Variants in SYTL2 observed in about 807,000 individuals in gnomAD.
The protein encoded by SYTL2 is synaptotagmin-like protein 2.
Under a neutral mutation model 198.7 loss-of-function variants are expected in SYTL2, and 165 were observed. That is an observed-to-expected ratio of 0.83 (90% CI 0.73 to 0.94). SYTL2 has a LOEUF of 0.94. SYTL2 is among the 40% of genes least tolerant of loss of function. The probability of loss-of-function intolerance (pLI) is 0.00; values close to 1 mark genes in which losing one functional copy is unlikely to be tolerated. For synonymous variants in SYTL2, 966 were observed against 917.7 expected, an observed-to-expected ratio of 1.05 and a Z score of -0.95; for missense variants, 2,835 against 2,582.8, an observed-to-expected ratio of 1.10 and a Z score of -2.12.
intron 2 of SYTL2, among the ~76,000 whole-genome samples, chr11:85,749,913 T>C (rs1010089137): frequency 1.3e-5 from 2 of 152,102 alleles, no homozygotes; most frequent in East Asian, 1.9e-4. Context: ...GTCTGGAAAA[T>C]ACGGGGTATT....
At position 85,734,477 on chromosome 11, in the gene SYTL2, G is replaced by C. The variant is rs750384233; in HGVS notation, c.852C>G (p.Asp284Glu). 6 of 1,614,228 alleles carry C rather than the reference G, an allele frequency of 3.7e-6. No homozygotes were observed. The highest frequency in any genetic ancestry group is 4.5e-5 in the East Asian group (2 of 44,890). ...TGTGATTATAACGAAGGGTTTCTGA[G>C]TCTGTGCTACTGGAACTGGAGTTGC... ...LKRNSSSSST[D>E]SETLRYNHNF... Residue 284 changes from aspartate to glutamate, a missense_variant, in exon 7 of 20, where the codon GAC becomes GAG. Coordinates refer to ENST00000359152, the MANE Select transcript of SYTL2 (RefSeq NM_206927.4).
At position 85,724,921 on chromosome 11, in the gene SYTL2, C is replaced by A; in HGVS notation, c.4437G>T (p.Val1479=). 1 of 1,614,120 alleles carries A rather than the reference C, an allele frequency of 6.2e-7. No individual in the cohort carries two copies. Among genetic ancestry groups the A allele is most frequent in the East Asian group, 2.2e-5 (1 of 44,890 alleles). ...CAATTGTTTCCCTCACAATTTCTTC[C>A]ACTTCCTGAGGGAGGCCTTTGCCAT... is the stretch of plus-strand genomic sequence containing the variant. ...AQYGKGLPQE[V]EEIVRETIVQ... The change falls in exon 8 of 20, where the codon GTG becomes GTT. Residue 1479 remains valine, a synonymous_variant. Transcript: ENST00000359152.
chr11:85,739,507 G>C (rs1036174684), intron 4 of SYTL2, among the ~76,000 whole-genome samples: 1 of 152,000 alleles, frequency 6.6e-6, no homozygotes, highest in East Asian at 1.9e-4. Flanking sequence ...TGCTTAATAG[G>C]AAAAAATTAA....
chr11:85,721,403 G>T (rs1388952206), intron 8 of SYTL2, among the ~76,000 whole-genome samples: 3 of 151,968 alleles, frequency 2.0e-5, no homozygotes, highest in Admixed American at 2.0e-4. Context: ...GTACACATAT[G>T]AGTGCATTCT....
chr11:85,839,931 T>A, the SYTL2 span, among the ~76,000 whole-genome samples: 1 of 152,206 alleles, frequency 6.6e-6, no homozygotes, highest in Non-Finnish European at 1.5e-5. Context: ...TTTCTCCACA[T>A]CCTCGCCACT....
chr11:85,850,642 G>A, the SYTL2 span, among the ~76,000 whole-genome samples: 1 of 150,730 alleles, frequency 6.6e-6, no homozygotes, highest in Admixed American at 6.6e-5. Flanking sequence ...TCTAGAACTA[G>A]AAATACCATT....
chr11:85,775,927 T>A (rs891102390), intron 1 of SYTL2, among the ~76,000 whole-genome samples: 15 of 152,230 alleles, frequency 9.9e-5, no homozygotes, highest in Admixed American at 9.8e-4. Flanking sequence ...TGGATGTTTA[T>A]CCCTCCAAAT....
chr11:85,711,213 T>C lies in SYTL2; in HGVS notation c.5645A>G (p.Asp1882Gly), dbSNP rs2086219247. The change falls in exon 13 of 20, where the codon GAT becomes GGT. Residue 1882 changes from aspartate to glycine, a missense_variant. This residue lies in a region of SYTL2 where 2,645 missense variants were observed against 2,381.7 expected (regional missense o/e 1.11). Transcript: ENST00000359152. The stretch of plus-strand genomic sequence containing the variant: ...CTGGTAACTGCTTTCTGATGCTGTA[T>C]CTGTTTCTCTGTCATCACTCTACAA... ...LQDESDDRET[D>G]TASESSYQLS... 4 of 1,613,976 alleles carry C rather than the reference T, an allele frequency of 2.5e-6. No homozygotes were observed. Among genetic ancestry groups the C allele is most frequent in the Admixed American group, 3.3e-5 (2 of 60,008 alleles).
At chr11:85,817,240 A>C in the SYTL2 span, among the ~76,000 whole-genome samples, 1 of 152,206 alleles carries the variant, frequency 6.6e-6, no homozygotes, top group South Asian at 2.1e-4. Context: ...CCATTATTTC[A>C]TGTAATCATC....
the SYTL2 span, among the ~76,000 whole-genome samples, chr11:85,826,249 G>A: frequency 2.0e-5 from 3 of 152,214 alleles, no homozygotes; most frequent in Admixed American, 6.5e-5. Flanking sequence ...CAGGAGGACT[G>A]AGGAGGCCTG....
chr11:85,838,398 C>T, the SYTL2 span, among the ~76,000 whole-genome samples: 1 of 152,084 alleles, frequency 6.6e-6, no homozygotes, highest in Admixed American at 6.6e-5. Context: ...TGTATTAGGA[C>T]GTTCTTGCTT....
intron 1 of SYTL2, among the ~76,000 whole-genome samples, chr11:85,777,998 T>C (rs2092485919): frequency 6.6e-6 from 1 of 151,884 alleles, no homozygotes; most frequent in African/African-American, 2.4e-5. Context: ...TTTGTATTTT[T>C]AGTGAAGATG....
intron 16 of SYTL2, among the ~76,000 whole-genome samples, chr11:85,702,738 T>G (rs141177348): frequency 6.0e-4 from 91 of 152,296 alleles, no homozygotes; most frequent in Non-Finnish European, 1.2e-3. Flanking sequence ...CCTAGAACGT[T>G]CTCATATGCA....
chr11:85,707,592 GT>G, intron 14 of SYTL2, 61 bp from the exon 15 acceptor site: 2 of 1,065,356 alleles, frequency 1.9e-6, no homozygotes, highest in Non-Finnish European at 1.4e-6. Flanking sequence ...TCCACCTCTA[GT>G]TTTTTAAATA....
chr11:85,712,161 CAATAT>C (rs1318720716), intron 12 of SYTL2, among the ~76,000 whole-genome samples: 3 of 152,102 alleles, frequency 2.0e-5, no homozygotes, highest in Admixed American at 6.5e-5. Context: ...AATTATGCAT[CAATAT>C]AATGGATGCC....
intron 19 of SYTL2, 118 bp from the exon 20 acceptor site, chr11:85,695,458 G>C: frequency 1.3e-6 from 1 of 746,500 alleles, no homozygotes; most frequent in Non-Finnish European, 2.1e-6. Context: ...TTCTTCACTG[G>C]GAGGGCAGAT....
At chr11:85,698,221 C>T (rs1339760842) in intron 17 of SYTL2, 143 bp from the exon 18 acceptor site, 2 of 613,388 alleles carry the variant, frequency 3.3e-6, no homozygotes, top group Non-Finnish European at 2.9e-6. Context: ...TAAATCTATA[C>T]AGTCTTAACT....
the SYTL2 span, among the ~76,000 whole-genome samples, chr11:85,840,377 G>A: frequency 2.6e-5 from 4 of 152,100 alleles, no homozygotes; most frequent in East Asian, 7.7e-4. Context: ...CCAATGTTCT[G>A]GAGATTTTCC....
intron 1 of SYTL2, among the ~76,000 whole-genome samples, chr11:85,786,499 A>T (rs933682491): frequency 6.6e-6 from 1 of 152,224 alleles, no homozygotes; most frequent in East Asian, 1.9e-4. Flanking sequence ...GGTAAAGGGT[A>T]CACGGATCTC....
Sources: allele counts gnomAD v4.1 joint callset (sites outside exome capture counted in the v4.1 genomes callset), GRCh38; gene constraint gnomAD v4.1.1; regional missense constraint gnomAD v4.1.1; transcripts MANE v1.5; gene names NCBI Gene and HGNC (gene_info 2026-07-23, HGNC 2026-07-21).